ESRRG: variants seen among roughly 807,000 people sequenced by gnomAD.
ESRRG encodes estrogen related receptor gamma, also known as estrogen-related receptor gamma.
ESRRG carries 13 observed loss-of-function variants against 44.0 expected under a neutral mutation model. That is an observed-to-expected ratio of 0.30 (90% CI 0.19 to 0.47). The LOEUF is 0.47. Ranked by LOEUF, ESRRG falls within the 20% of genes least tolerant of loss-of-function variation. The pLI, the probability that ESRRG is intolerant of heterozygous loss-of-function variation, is 1.00. For missense variants in ESRRG, 395 were observed against 580.6 expected (o/e 0.68, Z 3.29); for synonymous variants, 215 against 214.6 (o/e 1.00, Z -0.02).
chr1:216,673,365 A>G (rs1352236340), intron 2 of ESRRG, among the ~76,000 whole-genome samples: 2 of 152,206 alleles, frequency 1.3e-5, no homozygotes, highest in Non-Finnish European at 2.9e-5. Flanking sequence ...GGGCTAAGTG[A>G]GCACCACAGT....
chr1:217,131,151 A>G (rs1401411538), intron 1 of ESRRG, among the ~76,000 whole-genome samples: 1 of 152,224 alleles, frequency 6.6e-6, no homozygotes, highest in African/African-American at 2.4e-5. Context: ...AAATAAGTTC[A>G]GTTGTCCATT....
intron 1 of ESRRG, among the ~76,000 whole-genome samples, chr1:217,079,389 C>T (rs780787168): frequency 3.9e-5 from 6 of 152,162 alleles, no homozygotes; most frequent in East Asian, 3.9e-4. Context: ...TCAGGTAGCA[C>T]GGGAGAATGT....
intron 1 of ESRRG, among the ~76,000 whole-genome samples, chr1:216,717,046 A>G (rs926995466): frequency 3.9e-5 from 6 of 151,910 alleles, no homozygotes; most frequent in Non-Finnish European, 8.8e-5. Flanking sequence ...TCATTTGAAG[A>G]AATCAAAACA....
intron 1 of ESRRG, among the ~76,000 whole-genome samples, chr1:216,957,040 T>C (rs1226892317): frequency 6.6e-6 from 1 of 152,212 alleles, no homozygotes; most frequent in Non-Finnish European, 1.5e-5. Flanking sequence ...GACTGGTGGA[T>C]AAAAGTGATT....
intron 2 of ESRRG, among the ~76,000 whole-genome samples, chr1:216,871,728 C>A (rs997270977): frequency 6.6e-6 from 1 of 151,984 alleles, no homozygotes; most frequent in Non-Finnish European, 1.5e-5. Context: ...ATCCTATAGT[C>A]CCCTTTATCC....
chr1:216,670,644 C>G (rs896843740), intron 2 of ESRRG, among the ~76,000 whole-genome samples: 3 of 152,200 alleles, frequency 2.0e-5, no homozygotes, highest in Non-Finnish European at 4.4e-5. Context: ...GAGCGGGACT[C>G]TCTCTTGGGT....
At chr1:216,963,134 G>A (rs902042099) in intron 1 of ESRRG, among the ~76,000 whole-genome samples, 4 of 152,110 alleles carry the variant, frequency 2.6e-5, no homozygotes, top group African/African-American at 4.8e-5. Flanking sequence ...ACTATAAGGC[G>A]CTATATAAAT....
At chr1:216,912,154 AG>A (rs2060427554) in intron 2 of ESRRG, among the ~76,000 whole-genome samples, 1 of 34,310 alleles carries the variant, frequency 2.9e-5, no homozygotes, top group South Asian at 1.0e-3. Flanking sequence ...AGAAAAGAAA[AG>A]AAAAGAAAAG....
chr1:216,995,941 G>C (rs921428423), intron 1 of ESRRG, among the ~76,000 whole-genome samples: 1 of 152,130 alleles, frequency 6.6e-6, no homozygotes, highest in Non-Finnish European at 1.5e-5. Context: ...CAGAAATGAA[G>C]AGTGAGCTGT....
At chr1:216,947,386 G>A (rs774797084) in intron 1 of ESRRG, among the ~76,000 whole-genome samples, 6 of 152,104 alleles carry the variant, frequency 3.9e-5, no homozygotes, top group South Asian at 2.1e-4. Context: ...CATGTTGATG[G>A]TTTTTCAGAT....
chr1:216,987,255 T>C (rs2075021683), intron 1 of ESRRG, among the ~76,000 whole-genome samples: 1 of 152,242 alleles, frequency 6.6e-6, no homozygotes, highest in African/African-American at 2.4e-5. Flanking sequence ...ATCCTTTCTC[T>C]AACATAGCTG....
chr1:216,742,754 C>A (rs1416616), intron 2 of ESRRG, among the ~76,000 whole-genome samples: 148,903 of 152,202 alleles, frequency 0.98, 72,913 homozygotes, highest in Middle Eastern at 1. Context: ...TTATGAACAC[C>A]AAATATGCTT....
At chr1:216,833,408 T>C (rs913552560) in intron 2 of ESRRG, among the ~76,000 whole-genome samples, 5 of 152,220 alleles carry the variant, frequency 3.3e-5, no homozygotes, top group Non-Finnish European at 7.4e-5. Flanking sequence ...TAGCATTAGC[T>C]ACAATTTCCT....
At chr1:217,071,467 G>A (rs188983296) in intron 1 of ESRRG, among the ~76,000 whole-genome samples, 1 of 152,174 alleles carries the variant, frequency 6.6e-6, no homozygotes, top group African/African-American at 2.4e-5. Flanking sequence ...TATCTGATAA[G>A]AGTAATGAGA....
intron 1 of ESRRG, among the ~76,000 whole-genome samples, chr1:216,695,587 T>C (rs555217727): frequency 6.6e-6 from 1 of 152,270 alleles, no homozygotes; most frequent in African/African-American, 2.4e-5. Context: ...TTATGCTGAG[T>C]TCATGTCAGC....
upstream of ESRRG, chr1:217,090,694 T>G (rs933301484): frequency 6.6e-6 from 1 of 152,126 alleles, no homozygotes; most frequent in Non-Finnish European, 1.5e-5. Flanking sequence ...GTTGAGAAAC[T>G]CGACTGACAC....
chr1:217,103,813 C>G (rs978918703), intron 1 of ESRRG, among the ~76,000 whole-genome samples: 1 of 152,146 alleles, frequency 6.6e-6, no homozygotes, highest in Admixed American at 6.5e-5. Flanking sequence ...AAGAAGGAAC[C>G]AAGCATTAAG....
At chr1:216,589,770 C>T (rs1025260355) in intron 3 of ESRRG, among the ~76,000 whole-genome samples, 5 of 151,540 alleles carry the variant, frequency 3.3e-5, no homozygotes, top group African/African-American at 1.2e-4. Context: ...TGGGCATGGT[C>T]GTGTGCACCT....
In ESRRG at chr1:216,673,552, C is replaced by A. The variant is rs570977426; in HGVS notation, c.472+3524G>T. 5.8e-4 allele frequency among the ~76,000 whole-genome samples: 89 copies of A among 152,348 alleles called. 1 individual carries two copies. In the South Asian group the frequency reaches 0.018, roughly 31 times the overall value. On this transcript the variant is annotated intron_variant, in intron 2 of 6. Coordinates refer to ENST00000408911, the MANE Select transcript of ESRRG (RefSeq NM_001438.4). Reference sequence around the variant, plus strand: ...AATACGGAGTAAAACTGAGCACATACATCAATGCCAAGAATCACCCTGTGC... The same window carrying A: ...AATACGGAGTAAAACTGAGCACATAAATCAATGCCAAGAATCACCCTGTGC...
Sources: allele counts gnomAD v4.1 joint callset (sites outside exome capture counted in the v4.1 genomes callset), GRCh38; gene constraint gnomAD v4.1.1; transcripts MANE v1.5; gene names NCBI Gene and HGNC (gene_info 2026-07-23, HGNC 2026-07-21).